SDCCAG8: variants seen among roughly 807,000 people sequenced by gnomAD.
The protein encoded by SDCCAG8 is serologically defined colon cancer antigen 8.
SDCCAG8 carries 74 observed loss-of-function variants against 101.8 expected under a neutral mutation model. The ratio of observed to expected loss-of-function variants is 0.73; its 90% CI spans 0.60 to 0.88. The LOEUF (loss-of-function observed/expected upper bound fraction) is 0.88, where lower values mean the gene tolerates loss of function less well. SDCCAG8 is among the 40% of genes least tolerant of loss of function. The pLI is 0.00. For synonymous variants in SDCCAG8, 281 were observed against 292.9 expected (o/e 0.96, Z 0.41); for missense variants, 787 against 822.6 (o/e 0.96, Z 0.53).
At chr1:243,378,077 T>C (rs2077705639) in intron 12 of SDCCAG8, among the ~76,000 whole-genome samples, 4 of 151,966 alleles carry the variant, frequency 2.6e-5, no homozygotes, top group Admixed American at 2.6e-4. Context: ...ATATTTGTCT[T>C]AGAGTGTTCT....
intron 13 of SDCCAG8, among the ~76,000 whole-genome samples, chr1:243,400,454 T>C (rs759576803): frequency 5.9e-5 from 9 of 152,304 alleles, no homozygotes; most frequent in Non-Finnish European, 1.2e-4. Context: ...AACTTCACTT[T>C]CATTAGAACA....
intron 12 of SDCCAG8, among the ~76,000 whole-genome samples, chr1:243,361,010 G>T (rs2076679835): frequency 6.6e-6 from 1 of 152,130 alleles, no homozygotes; most frequent in Non-Finnish European, 1.5e-5. Context: ...GCATTTACCT[G>T]TCTGGAACTT....
intron 16 of SDCCAG8, among the ~76,000 whole-genome samples, chr1:243,430,471 G>GTC (rs991888223): frequency 1.3e-5 from 2 of 151,980 alleles, no homozygotes; most frequent in Admixed American, 6.6e-5. Context: ...TTGATACGGA[G>GTC]TCTCTCTCTG....
intron 13 of SDCCAG8, among the ~76,000 whole-genome samples, chr1:243,400,387 G>A (rs762909765): frequency 6.6e-5 from 10 of 152,114 alleles, no homozygotes; most frequent in East Asian, 1.9e-4. Flanking sequence ...GGGATTATTC[G>A]TTATTGTATC....
intron 10 of SDCCAG8, among the ~76,000 whole-genome samples, chr1:243,335,702 A>G (rs2074953576): frequency 1.3e-5 from 2 of 152,128 alleles, no homozygotes; most frequent in Non-Finnish European, 2.9e-5. Context: ...ATATCGCATG[A>G]TGCTGAGGTT....
intron 11 of SDCCAG8, 102 bp downstream of exon 11, chr1:243,341,275 T>C (rs571210644): frequency 7.4e-7 from 1 of 1,359,166 alleles, no homozygotes; most frequent in East Asian, 2.4e-5. Flanking sequence ...GGAGGAAGTT[T>C]GGAGTAGAAA....
rs560976561 is a variant in SDCCAG8 at position 243,396,889 on chromosome 1, G to A, written c.1616+18026G>A. On this transcript the variant is annotated intron_variant, in intron 13 of 17. Transcript: ENST00000366541. ...CATCTTCTGCTGGTTAGCAGTAGAG[G>A]ATTTAAATCCATGCCGACAGTTCAT... 2.5e-4 allele frequency among the ~76,000 whole-genome samples: 38 copies of A among 152,318 alleles called. No individual in the cohort carries two copies. In the South Asian group the frequency reaches 7.9e-3, roughly 32 times the overall value.
chr1:243,307,069 T>G lies in SDCCAG8; in HGVS notation c.741-920T>G, dbSNP rs532250086. On this transcript the variant is annotated intron_variant, in intron 7 of 17. Coordinates refer to ENST00000366541, the MANE Select transcript of SDCCAG8 (RefSeq NM_006642.5). ...CTAGAAAGTTTTTTTTTGTTTTTTTTTTTTTTGAAGTACAAAAGAACCATC... is the reference window on the plus strand; with the variant it reads ...CTAGAAAGTTTTTTTTTGTTTTTTTGTTTTTTGAAGTACAAAAGAACCATC... Among the ~76,000 whole-genome samples, 9 of 151,766 alleles carry G rather than the reference T, an allele frequency of 5.9e-5. No homozygotes were observed. In the South Asian group the frequency reaches 6.2e-4, roughly 10 times the overall value.
At chr1:243,390,579 G>A (rs1001243052) in intron 13 of SDCCAG8, among the ~76,000 whole-genome samples, 12 of 152,138 alleles carry the variant, frequency 7.9e-5, no homozygotes, top group Admixed American at 1.3e-4. Context: ...TCCCTGGCTC[G>A]CTCCTCTCAG....
chr1:243,285,527 T>A (rs1447243294), intron 4 of SDCCAG8, among the ~76,000 whole-genome samples: 1 of 152,192 alleles, frequency 6.6e-6, no homozygotes, highest in African/African-American at 2.4e-5. Context: ...AAATAATAAT[T>A]GAGAGGAATT....
At chr1:243,267,386 G>T in intron 1 of SDCCAG8, 1 of 262,592 alleles carries the variant, frequency 3.8e-6, no homozygotes, top group Non-Finnish European at 7.5e-6. Context: ...TTCACCTGAG[G>T]TCGGGAGTTT....
At chr1:243,481,331 T>C (rs911277631) in intron 16 of SDCCAG8, among the ~76,000 whole-genome samples, 1 of 152,160 alleles carries the variant, frequency 6.6e-6, no homozygotes, top group Non-Finnish European at 1.5e-5. Context: ...CTCTGTGGCC[T>C]TGGTGGCTTA....
chr1:243,378,115 A>G (rs779728563), intron 12 of SDCCAG8, among the ~76,000 whole-genome samples: 3 of 151,926 alleles, frequency 2.0e-5, no homozygotes, highest in East Asian at 1.9e-4. Flanking sequence ...GCAAATTTAA[A>G]TGGAAATATT....
intron 16 of SDCCAG8, among the ~76,000 whole-genome samples, chr1:243,477,033 CAGAG>C (rs371572944): frequency 3.3e-5 from 5 of 150,318 alleles, no homozygotes; most frequent in African/African-American, 7.4e-5. Context: ...CACACACACA[CAGAG>C]AGAAAGGCAG....
At chr1:243,460,491 T>G (rs936496523) in intron 16 of SDCCAG8, among the ~76,000 whole-genome samples, 2 of 152,182 alleles carry the variant, frequency 1.3e-5, no homozygotes, top group African/African-American at 2.4e-5. Context: ...AAACTGGACA[T>G]TTCCTGTTCA....
intron 13 of SDCCAG8, among the ~76,000 whole-genome samples, chr1:243,406,181 G>GAAAATATGAATTTTTT (rs2079772863): frequency 6.6e-6 from 1 of 152,128 alleles, no homozygotes; most frequent in African/African-American, 2.4e-5. Flanking sequence ...ATGAATTTTT[G>GAAAATATGAATTTTTT]AAAATATGAA....
chr1:243,490,081 T>C (rs1307612644), intron 17 of SDCCAG8, among the ~76,000 whole-genome samples: 1 of 152,212 alleles, frequency 6.6e-6, no homozygotes. Context: ...GTGCTTGGAA[T>C]GATTAATATG....
At chr1:243,322,322 C>T (rs1414234270) in intron 9 of SDCCAG8, among the ~76,000 whole-genome samples, 1 of 152,192 alleles carries the variant, frequency 6.6e-6, no homozygotes, top group Non-Finnish European at 1.5e-5. Flanking sequence ...ACCAGTGCAG[C>T]CAGTCTGCCA....
At chr1:243,351,039 C>G (rs1000570286) in intron 12 of SDCCAG8, among the ~76,000 whole-genome samples, 17 of 152,166 alleles carry the variant, frequency 1.1e-4, no homozygotes, top group African/African-American at 4.1e-4. Flanking sequence ...GCTGTGTACT[C>G]TTTTTCAGAA....
Sources: allele counts gnomAD v4.1 joint callset (sites outside exome capture counted in the v4.1 genomes callset), GRCh38; gene constraint gnomAD v4.1.1; transcripts MANE v1.5; gene names NCBI Gene and HGNC (gene_info 2026-07-23, HGNC 2026-07-21).